The following ANO6 variants were observed in gnomAD, a reference collection of about 807,000 sequenced individuals.
The protein encoded by ANO6 is anoctamin 6.
A neutral mutation model predicts 117.5 loss-of-function variants in ANO6; 106 were observed. The observed-to-expected ratio is 0.90, with a 90% CI of 0.77 to 1.06. The LOEUF is 1.06. Ranked by LOEUF, ANO6 falls within the 50% of genes least tolerant of loss-of-function variation. The pLI, the probability that ANO6 is intolerant of heterozygous loss-of-function variation, is 0.00. For synonymous variants in ANO6, 367 were observed against 385.1 expected (o/e 0.95, Z 0.55); for missense variants, 955 against 1,121.1 (o/e 0.85, Z 2.12).
chr12:45,405,984 G>A (rs1468148854), intron 15 of ANO6, among the ~76,000 whole-genome samples: 5 of 152,142 alleles, frequency 3.3e-5, no homozygotes, highest in Non-Finnish European at 5.9e-5. Context: ...ATAGAGAAAA[G>A]CCTTATAAGT....
intron 12 of ANO6, among the ~76,000 whole-genome samples, chr12:45,394,910 C>T (rs748241733): frequency 4.6e-5 from 7 of 152,266 alleles, no homozygotes; most frequent in Middle Eastern, 3.4e-3. Context: ...CTAAAATCAA[C>T]GGCCTAACAT....
Position 45,430,792 on chromosome 12 carries a change from C to T in ANO6, c.*1481C>T. The T allele has an allele frequency of 1.0e-6, 1 of 985,420 alleles. No homozygotes were observed. The highest frequency in any genetic ancestry group is 5.2e-4 in the Middle Eastern group (1 of 1,914). The allele number at this position is 985,420 out of a possible 1,614,324, so 61.0% of individuals were successfully genotyped here. On this transcript the variant is annotated 3_prime_UTR_variant, in exon 20 of 20. Coordinates refer to ENST00000320560, the MANE Select transcript of ANO6 (RefSeq NM_001025356.3). ...TTATTGCCTTGTAAGTGTCAGGCCTCCTGGGCGCTCTGGAAAAGACAGGGA... is the reference window on the plus strand; with the variant it reads ...TTATTGCCTTGTAAGTGTCAGGCCTTCTGGGCGCTCTGGAAAAGACAGGGA...
intron 10 of ANO6, among the ~76,000 whole-genome samples, chr12:45,382,928 T>C (rs1480894014): frequency 1.3e-5 from 2 of 152,200 alleles, no homozygotes; most frequent in African/African-American, 4.8e-5. Context: ...TAGGTAGCTA[T>C]GCAAATTTCT....
At chr12:45,241,695 A>C (rs542890191) in intron 1 of ANO6, among the ~76,000 whole-genome samples, 1 of 152,132 alleles carries the variant, frequency 6.6e-6, no homozygotes, top group South Asian at 2.1e-4. Flanking sequence ...GGTTTTATCT[A>C]CCTTTGGTCT....
chr12:45,433,469 G>A (rs774073427), downstream of ANO6, among the ~76,000 whole-genome samples: 12 of 152,214 alleles, frequency 7.9e-5, no homozygotes, highest in Non-Finnish European at 1.6e-4. Context: ...CAGGAGGGAG[G>A]TTGGTCATGA....
rs1419619096 is a variant in ANO6, at chr12:45,403,235, T to A, written c.1776T>A (p.Asn592Lys). The A allele has an allele frequency of 6.2e-7, 1 of 1,613,762 alleles. No individual in the cohort carries two copies. The highest frequency in any genetic ancestry group is 8.5e-7 in the Non-Finnish European group (1 of 1,179,784). The change falls in exon 14 of 20, where the codon AAT becomes AAA. Residue 592 changes from asparagine (N) to lysine (K), a missense_variant. By Grantham distance (94) the Asn-to-Lys change is moderately conservative. Transcript: ENST00000320560. ...DPVYWLGKYR[N>K]EECDPGGCLL... ...TTTATTGGTTGGGAAAATACAGAAA[T>A]GAAGAGGTATGAATATATAATTGTA...
intron 2 of ANO6, among the ~76,000 whole-genome samples, chr12:45,310,620 G>T (rs1278670700): frequency 6.6e-6 from 1 of 152,038 alleles, no homozygotes; most frequent in Non-Finnish European, 1.5e-5. Context: ...ATTGATAATG[G>T]TTAAAGGTCT....
chr12:45,299,678 G>C (rs1939415081), intron 1 of ANO6, among the ~76,000 whole-genome samples: 1 of 151,844 alleles, frequency 6.6e-6, no homozygotes, highest in Middle Eastern at 3.4e-3. Flanking sequence ...TGGTGAAAAC[G>C]CTTCTCTACT....
chr12:45,274,858 T>G (rs1425497978), intron 1 of ANO6, among the ~76,000 whole-genome samples: 1 of 148,126 alleles, frequency 6.8e-6, no homozygotes, highest in Non-Finnish European at 1.5e-5. Context: ...TGCTTGCTGC[T>G]GCACTTCCTT....
intron 1 of ANO6, among the ~76,000 whole-genome samples, chr12:45,284,466 C>T (rs748090028): frequency 1.3e-5 from 2 of 152,276 alleles, no homozygotes; most frequent in Admixed American, 6.5e-5. Flanking sequence ...GAGAGATACG[C>T]GGGCAGGAGA....
intron 10 of ANO6, 109 bp from the exon 11 acceptor site, chr12:45,388,052 C>T: frequency 1.4e-6 from 2 of 1,390,050 alleles, no homozygotes; most frequent in South Asian, 2.3e-5. Context: ...TTCTTTATAG[C>T]AGTGTGAAAA....
At position 45,282,692 on chromosome 12, in the gene ANO6, A is replaced by G. The variant is rs114779783; in HGVS notation, c.71-19322A>G. ...GACTATGTTATAATGCAATAGGTGC[A>G]GTGGAAAGGCTGATTAAAGTTGTTT... On this transcript the variant is annotated intron_variant, in intron 1 of 19. Transcript: ENST00000320560. Among the ~76,000 whole-genome samples, 1,028 of 152,316 alleles carry G rather than the reference A, an allele frequency of 6.7e-3. 7 individuals are homozygous for G. Among genetic ancestry groups the G allele is most frequent in the African/African-American group, 0.021 (890 of 41,578 alleles).
At chr12:45,225,557 G>C (rs1407532383) in intron 1 of ANO6, among the ~76,000 whole-genome samples, 2 of 151,454 alleles carry the variant, frequency 1.3e-5, no homozygotes, top group African/African-American at 4.9e-5. Context: ...GGCAAGATCT[G>C]GGCTCACTGC....
chr12:45,370,630 GTTT>G (rs995554953), intron 9 of ANO6, among the ~76,000 whole-genome samples: 2 of 152,154 alleles, frequency 1.3e-5, no homozygotes, highest in Admixed American at 6.5e-5. Flanking sequence ...ATGCAGAACT[GTTT>G]TTTATGGGAC....
Position 45,216,194 on chromosome 12 carries a change from A to C in ANO6, c.-128A>C. On this transcript the variant is annotated 5_prime_UTR_variant, in exon 1 of 20. Transcript: ENST00000320560. ...GCTTTCCCCGGCGCTGGCTGGGCTC[A>C]GCGGCCCCTGAGCCCAAGCGACACA... 9.2e-7 allele frequency: 1 copy of C among 1,092,100 alleles called. No individual in the cohort carries two copies. 67.7% of individuals were successfully genotyped at this position (1,092,100 alleles called of 1,614,324 possible).
Position 45,431,201 on chromosome 12 carries a change from T to A in ANO6, c.*1890T>A. The stretch of plus-strand genomic sequence containing the variant: ...CCCATGAAGTCTGACTGCACTGGGA[T>A]GGAGAAATGAATTTCTTCCCACTGA... On this transcript the variant is annotated 3_prime_UTR_variant, in exon 20 of 20. Transcript: ENST00000320560. 1 of 985,406 alleles carries A rather than the reference T, an allele frequency of 1.0e-6. No homozygotes were observed. Among genetic ancestry groups the A allele is most frequent in the South Asian group, 4.7e-5 (1 of 21,282 alleles). The allele number at this position is 985,406 out of a possible 1,614,324, so 61.0% of individuals were successfully genotyped here.
chr12:45,391,096 G>A (rs531657647), intron 12 of ANO6, among the ~76,000 whole-genome samples: 12 of 151,932 alleles, frequency 7.9e-5, no homozygotes, highest in African/African-American at 2.9e-4. Context: ...ACTCGACTGG[G>A]TAACAGAGCA....
At chr12:45,243,635 C>T (rs1272402999) in intron 1 of ANO6, among the ~76,000 whole-genome samples, 4 of 151,296 alleles carry the variant, frequency 2.6e-5, no homozygotes, top group African/African-American at 9.8e-5. Flanking sequence ...CTGCAACCTC[C>T]GCCTCCTGGG....
At chr12:45,302,226 G>C in intron 2 of ANO6, 133 bp downstream of exon 2, 1 of 805,446 alleles carries the variant, frequency 1.2e-6, no homozygotes, top group Non-Finnish European at 2.1e-6. Flanking sequence ...TGCAGGGACT[G>C]TGCGTTCAGA....
Sources: gnomAD v4.1 joint callset for allele counts (sites outside exome capture counted in the v4.1 genomes callset) on GRCh38, gnomAD v4.1.1 for gene constraint, MANE v1.5 for transcripts, NCBI Gene and HGNC (gene_info 2026-07-23, HGNC 2026-07-21) for gene names.